The following KIAA2012 variants were observed in gnomAD, a reference collection of about 807,000 sequenced individuals.
The protein encoded by KIAA2012 is uncharacterized protein KIAA2012.
In KIAA2012, 125 loss-of-function variants were observed where a neutral mutation model predicts 150.6. The observed-to-expected ratio is 0.83, with a 90% CI of 0.72 to 0.96. The LOEUF (loss-of-function observed/expected upper bound fraction) is 0.96. Ranked by LOEUF, KIAA2012 falls within the 40% of genes least tolerant of loss-of-function variation. The probability of loss-of-function intolerance (pLI) is 0.00; values close to 1 mark genes in which losing one functional copy is unlikely to be tolerated. For missense variants in KIAA2012, 1,219 were observed against 1,354.9 expected, an observed-to-expected ratio of 0.90 and a Z score of 1.57; for synonymous variants, 462 against 504.7, an observed-to-expected ratio of 0.92 and a Z score of 1.13.
chr2:202,092,939 A>G, intron 3 of KIAA2012, 91 bp from the exon 4 acceptor site: 1 of 1,112,602 alleles, frequency 9.0e-7, no homozygotes. Context: ...CAAAGCCAAG[A>G]CTAGTGTAAG....
intron 11 of KIAA2012, among the ~76,000 whole-genome samples, chr2:202,120,183 CTG>C (rs1690624453): frequency 6.6e-6 from 1 of 152,172 alleles, no homozygotes; most frequent in South Asian, 2.1e-4. Context: ...GACTAATACA[CTG>C]TGCAACATAG....
At chr2:202,120,594 C>T (rs1215225107) in intron 11 of KIAA2012, among the ~76,000 whole-genome samples, 1 of 152,170 alleles carries the variant, frequency 6.6e-6, no homozygotes, top group Non-Finnish European at 1.5e-5. Flanking sequence ...AGTTCCCTCT[C>T]TACTGTGATG....
intron 15 of KIAA2012, among the ~76,000 whole-genome samples, chr2:202,180,351 A>G (rs895411977): frequency 3.3e-5 from 5 of 151,480 alleles, no homozygotes; most frequent in African/African-American, 1.2e-4. Context: ...TAATCTATCT[A>G]CTTAAACATG....
intron 22 of KIAA2012, chr2:202,201,725 C>T: frequency 1.3e-6 from 2 of 1,507,102 alleles, no homozygotes; most frequent in Non-Finnish European, 1.8e-6. Context: ...TGTGGCAGCC[C>T]CTGGGGTGCA....
intron 4 of KIAA2012, 85 bp downstream of exon 4, chr2:202,093,270 A>T: frequency 1.4e-6 from 2 of 1,397,466 alleles, no homozygotes; most frequent in Non-Finnish European, 2.0e-6. Context: ...TTCCCAAAAC[A>T]AGGTCTTGAG....
At chr2:202,113,619 T>C in intron 11 of KIAA2012, 173 bp downstream of exon 11, 1 of 585,946 alleles carries the variant, frequency 1.7e-6, no homozygotes, top group Non-Finnish European at 3.0e-6. Flanking sequence ...GAGACAATGA[T>C]CCAATGTTTG....
At chr2:202,074,158 A>C (rs918081100) in intron 1 of KIAA2012, among the ~76,000 whole-genome samples, 8 of 151,996 alleles carry the variant, frequency 5.3e-5, no homozygotes, top group East Asian at 3.9e-4. Context: ...CCAAAAAAAA[A>C]CCCACCTCAT....
intron 10 of KIAA2012, among the ~76,000 whole-genome samples, chr2:202,112,060 A>G (rs901620375): frequency 3.9e-5 from 6 of 152,238 alleles, no homozygotes; most frequent in East Asian, 1.9e-4. Context: ...TTTCTGAATG[A>G]TAGTAGTATC....
intron 14 of KIAA2012, among the ~76,000 whole-genome samples, chr2:202,164,797 C>T (rs575457449): frequency 1.2e-4 from 19 of 152,320 alleles, no homozygotes; most frequent in Non-Finnish European, 2.4e-4. Context: ...ACATTCTTCT[C>T]GCCTTCCTCC....
intron 12 of KIAA2012, among the ~76,000 whole-genome samples, chr2:202,133,758 G>A (rs140637044): frequency 1.4e-3 from 206 of 152,188 alleles, no homozygotes; most frequent in African/African-American, 4.8e-3. Flanking sequence ...CTTAAATCTC[G>A]TCCCAAGAAT....
chr2:202,096,923 G>A (rs1192918164), intron 4 of KIAA2012, among the ~76,000 whole-genome samples: 1 of 152,194 alleles, frequency 6.6e-6, no homozygotes, highest in Non-Finnish European at 1.5e-5. Context: ...CTAAACAGCA[G>A]TCTTACCTCA....
rs10532176 is a variant in KIAA2012 at position 202,171,112 on chromosome 2, TACACACACACAC to T, written c.2119+5774_2119+5785del. ...GGGAAATAGAGATTTAAAGAAATAC[TACACACACACAC>T]ACACACACACACACACAGACATATA... On this transcript the variant is annotated intron_variant, in intron 15 of 23. Transcript: ENST00000498697. Among the ~76,000 whole-genome samples the T allele has an allele frequency of 1.4e-4, 21 of 149,832 alleles. No homozygotes were observed. The South Asian group carries it at 4.0e-3, about 29-fold the overall frequency.
At chr2:202,194,620 T>TG (rs1692381596) in intron 21 of KIAA2012, among the ~76,000 whole-genome samples, 2 of 47,394 alleles carry the variant, frequency 4.2e-5, no homozygotes, top group South Asian at 1.3e-3. Context: ...CTACCTAAAT[T>TG]GGAGACACAG....
chr2:202,143,455 T>A (rs147560747), intron 13 of KIAA2012, among the ~76,000 whole-genome samples: 12 of 146,282 alleles, frequency 8.2e-5, no homozygotes, highest in Admixed American at 2.8e-4. Context: ...AAAAAAAAAA[T>A]GTATCTATTC....
chr2:202,133,315 C>G (rs1221259571), intron 12 of KIAA2012, among the ~76,000 whole-genome samples: 2 of 151,068 alleles, frequency 1.3e-5, no homozygotes, highest in African/African-American at 4.9e-5. Context: ...TGACATTTTG[C>G]TGTTATGCAT....
chr2:202,092,809 G>A (rs1368635745), intron 3 of KIAA2012, among the ~76,000 whole-genome samples: 1 of 152,108 alleles, frequency 6.6e-6, no homozygotes, highest in Non-Finnish European at 1.5e-5. Flanking sequence ...GGTGGAGGAA[G>A]TACACATGTA....
At chr2:202,200,973 T>C (rs1692509710) in intron 22 of KIAA2012, among the ~76,000 whole-genome samples, 2 of 152,156 alleles carry the variant, frequency 1.3e-5, no homozygotes, top group African/African-American at 4.8e-5. Flanking sequence ...CCCAAAGTGC[T>C]GGGATTACAG....
At chr2:202,192,567 C>G (rs1323148127) in intron 19 of KIAA2012, among the ~76,000 whole-genome samples, 1 of 151,502 alleles carries the variant, frequency 6.6e-6, no homozygotes, top group African/African-American at 2.4e-5. Flanking sequence ...AAGCAATTCT[C>G]CTGCCTCAGC....
chr2:202,075,782 A>G (rs1689311592), intron 2 of KIAA2012, among the ~76,000 whole-genome samples: 1 of 152,226 alleles, frequency 6.6e-6, no homozygotes, highest in Non-Finnish European at 1.5e-5. Flanking sequence ...AGGCCATAAG[A>G]TAGTCTGGGA....
Sources: allele counts gnomAD v4.1 joint callset (sites outside exome capture counted in the v4.1 genomes callset), GRCh38; gene constraint gnomAD v4.1.1; transcripts MANE v1.5; gene names NCBI Gene and HGNC (gene_info 2026-07-23, HGNC 2026-07-21).